CCDC191: variants seen among roughly 807,000 people sequenced by gnomAD.
The protein encoded by CCDC191 is coiled-coil domain-containing protein 191.
CCDC191 carries 99 observed loss-of-function variants against 114.0 expected under a neutral mutation model. The ratio of observed to expected loss-of-function variants is 0.87; its 90% confidence interval spans 0.74 to 1.03. The LOEUF is 1.03. CCDC191 is among the 50% of genes least tolerant of loss of function. CCDC191 has a pLI of 0.00. For synonymous variants in CCDC191, 351 were observed against 376.0 expected (o/e 0.93, Z 0.77); for missense variants, 973 against 1,087.0 (o/e 0.90, Z 1.47).
intron 16 of CCDC191, 137 bp from the exon 17 acceptor site, chr3:113,965,496 A>G (rs185371896): frequency 1.9e-4 from 88 of 470,602 alleles, no homozygotes; most frequent in Non-Finnish European, 2.8e-4. Flanking sequence ...CACAATCGGG[A>G]TTATGACAGT....
At chr3:113,974,615 G>A (rs370758703) in intron 16 of CCDC191, among the ~76,000 whole-genome samples, 5 of 152,098 alleles carry the variant, frequency 3.3e-5, no homozygotes, top group African/African-American at 4.8e-5. Context: ...CACCACGCCC[G>A]GCCAACTCGC....
intron 11 of CCDC191, 26 bp downstream of exon 11, chr3:114,004,611 C>A (rs777548479): frequency 3.9e-6 from 6 of 1,552,900 alleles, no homozygotes; most frequent in Non-Finnish European, 5.2e-6. Context: ...TAACAACCAC[C>A]AAGGCCACCA....
chr3:114,042,765 G>C lies in CCDC191; in HGVS notation c.353C>G (p.Thr118Ser). Residue 118 changes from threonine (T) to serine (S), a missense_variant, in exon 4 of 17, where the codon ACT becomes AGT. By Grantham distance (58) the Thr-to-Ser change is moderately conservative. Transcript: ENST00000295878. ...ASEEEGDAKN[T>S]VSSVTIMPEA... ...CGGCATAATAGTGACACTTGACACAGTGTTTTTAGCATCACCTTCTTCCTC... is the reference window on the plus strand; with the variant it reads ...CGGCATAATAGTGACACTTGACACACTGTTTTTAGCATCACCTTCTTCCTC... 1 of 1,600,742 alleles carries C rather than the reference G, an allele frequency of 6.2e-7. No individual in the cohort carries two copies. Among genetic ancestry groups the C allele is most frequent in the African/African-American group, 1.4e-5 (1 of 74,008 alleles).
chr3:114,002,950 A>C (rs1384513204), intron 11 of CCDC191: 1 of 984,378 alleles, frequency 1.0e-6, no homozygotes, highest in East Asian at 1.1e-4. Flanking sequence ...CTCAAATCCT[A>C]TTGAATCTGC....
chr3:114,032,545 T>G (rs932600360), intron 6 of CCDC191, among the ~76,000 whole-genome samples: 1 of 152,190 alleles, frequency 6.6e-6, no homozygotes, highest in Admixed American at 6.5e-5. Flanking sequence ...TAGTCAGGAA[T>G]CAGAACTCAT....
chr3:114,040,740 A>G (rs2076548993), intron 4 of CCDC191, among the ~76,000 whole-genome samples: 1 of 152,012 alleles, frequency 6.6e-6, no homozygotes, highest in African/African-American at 2.4e-5. Flanking sequence ...CAATCTCTGC[A>G]TTTGGACTGG....
chr3:114,004,619 C>T lies in CCDC191; in HGVS notation c.1978+18G>A, dbSNP rs756076205. 1.2e-6 allele frequency: 2 copies of T among 1,609,530 alleles called. No homozygotes were observed. The highest frequency in any genetic ancestry group is 8.5e-7 in the Non-Finnish European group (1 of 1,177,548). Reference sequence around the variant, plus strand: ...GAGAAGATAACAACCACCAAGGCCACCACCGAGACAGCCCTGCCTTTTAGT... The same window carrying T: ...GAGAAGATAACAACCACCAAGGCCATCACCGAGACAGCCCTGCCTTTTAGT... On this transcript the variant is annotated intron_variant, in intron 11 of 16. Coordinates refer to ENST00000295878, the MANE Select transcript of CCDC191 (RefSeq NM_020817.2).
chr3:114,043,384 G>C (rs546404416), intron 3 of CCDC191, among the ~76,000 whole-genome samples: 1 of 152,300 alleles, frequency 6.6e-6, no homozygotes, highest in African/African-American at 2.4e-5. Flanking sequence ...TTATCAACCA[G>C]GTGCAATCTT....
At chr3:113,981,742 A>G (rs2075158529) in intron 13 of CCDC191, among the ~76,000 whole-genome samples, 1 of 152,214 alleles carries the variant, frequency 6.6e-6, no homozygotes, top group South Asian at 2.1e-4. Flanking sequence ...AGAGAGAGCA[A>G]TGGAACATTT....
At chr3:114,017,375 C>T (rs532729820) in intron 8 of CCDC191, among the ~76,000 whole-genome samples, 1 of 152,290 alleles carries the variant, frequency 6.6e-6, no homozygotes, top group East Asian at 1.9e-4. Flanking sequence ...ATTCTTGCCA[C>T]GTTCTCAGCA....
chr3:113,985,186 A>G (rs1319703451), intron 13 of CCDC191, among the ~76,000 whole-genome samples: 1 of 152,154 alleles, frequency 6.6e-6, no homozygotes, highest in Non-Finnish European at 1.5e-5. Context: ...AGAGAAGATC[A>G]TGGAGAATCC....
rs2075945326 is a variant in CCDC191 at position 114,005,764 on chromosome 3, T to G, written c.1612A>C (p.Arg538=). 2 of 1,614,046 alleles carry G rather than the reference T, an allele frequency of 1.2e-6. No homozygotes were observed. The highest frequency in any genetic ancestry group is 2.2e-5 in the South Asian group (2 of 91,088). The change falls in exon 10 of 17, where the codon AGA becomes CGA. Residue 538 remains arginine (R), a synonymous_variant. Coordinates refer to ENST00000295878, the MANE Select transcript of CCDC191 (RefSeq NM_020817.2). ...GGTTCTGCTTTCTGGCTGGTAGTTCTGAGTGTCTCGTTGCTGCCAGGCTGT... is the reference window on the plus strand; with the variant it reads ...GGTTCTGCTTTCTGGCTGGTAGTTCGGAGTGTCTCGTTGCTGCCAGGCTGT... The part of the protein sequence containing the change: ...SQQPGSNETL[R]TTSQKAEPLC...
At position 114,030,247 on chromosome 3, in the gene CCDC191, T is replaced by C. The variant is rs555000748; in HGVS notation, c.972+1379A>G. ...CTGCATATGTGTCTAACATTCATAT[T>C]TGGCAGTTCCATCTAAAATATATAT... On this transcript the variant is annotated intron_variant, in intron 7 of 16. Transcript: ENST00000295878. Among the ~76,000 whole-genome samples the C allele has an allele frequency of 2.3e-3, 352 of 152,276 alleles. 1 individual carries two copies. Among genetic ancestry groups the C allele is most frequent in the Middle Eastern group, 0.01 (3 of 292 alleles).
At position 114,042,729 on chromosome 3, in the gene CCDC191, C is replaced by T. The variant is rs751561342; in HGVS notation, c.389G>A (p.Gly130Asp). Residue 130 changes from glycine (G) to aspartate (D), a missense_variant, in exon 4 of 17, where the codon GGC becomes GAC. Gly to Asp is a moderately conservative substitution (Grantham distance 94). Coordinates refer to ENST00000295878, the MANE Select transcript of CCDC191 (RefSeq NM_020817.2). Reference protein sequence around the residue: ...SSVTIMPEANGHLKYDKFDDL... With the variant: ...SSVTIMPEANDHLKYDKFDDL... ...ATCAAACTTGTCATATTTCAAATGG[C>T]CATTGGCTTCCGGCATAATAGTGAC... is the stretch of plus-strand genomic sequence containing the variant. 3.2e-6 allele frequency: 5 copies of T among 1,584,952 alleles called. No homozygotes were observed. The highest frequency in any genetic ancestry group is 4.3e-6 in the Non-Finnish European group (5 of 1,169,972).
intron 9 of CCDC191, among the ~76,000 whole-genome samples, chr3:114,010,297 T>G (rs2076047048): frequency 6.6e-6 from 1 of 152,210 alleles, no homozygotes; most frequent in African/African-American, 2.4e-5. Context: ...TTTAACATGT[T>G]ATTAGTGATT....
intron 13 of CCDC191, chr3:113,984,212 C>T (rs1266393797): frequency 7.1e-6 from 1 of 141,464 alleles, no homozygotes; most frequent in East Asian, 2.1e-4. Context: ...CTTTCTTTAT[C>T]ATATCAACAG....
chr3:113,991,557 ACAT>A (rs1316676310), intron 13 of CCDC191, among the ~76,000 whole-genome samples: 1 of 152,164 alleles, frequency 6.6e-6, no homozygotes, highest in Non-Finnish European at 1.5e-5. Flanking sequence ...CCCACAGCAA[ACAT>A]CATACTTAAT....
intron 4 of CCDC191, 110 bp from the exon 5 acceptor site, chr3:114,036,896 G>T: frequency 1.5e-6 from 1 of 656,808 alleles, no homozygotes; most frequent in Non-Finnish European, 2.3e-6. Context: ...AAAGCTGCGA[G>T]TGTTCAATAA....
intron 2 of CCDC191, among the ~76,000 whole-genome samples, chr3:114,048,389 T>C (rs2076658317): frequency 6.6e-6 from 1 of 152,212 alleles, no homozygotes; most frequent in South Asian, 2.1e-4. Flanking sequence ...TCAGAATTAA[T>C]GTCAAAGTCC....
Sources: gnomAD v4.1 joint callset for allele counts (sites outside exome capture counted in the v4.1 genomes callset) on GRCh38, gnomAD v4.1.1 for gene constraint, MANE v1.5 for transcripts, NCBI Gene and HGNC (gene_info 2026-07-23, HGNC 2026-07-21) for gene names.